PPP2R2B: variants seen among roughly 807,000 people sequenced by gnomAD.
The protein encoded by PPP2R2B is protein phosphatase 2 regulatory subunit Bbeta.
Under a neutral mutation model 46.0 loss-of-function variants are expected in PPP2R2B, and 5 were observed. The ratio of observed to expected loss-of-function variants is 0.11; its 90% CI spans 0.06 to 0.23. The LOEUF is 0.23. Among genes scored for constraint, PPP2R2B ranks in the 10% least tolerant of loss-of-function variants. The pLI is 1.00. For missense variants in PPP2R2B, 367 were observed against 575.0 expected (o/e 0.64, Z 3.70); for synonymous variants, 215 against 206.7 (o/e 1.04, Z -0.34).
chr5:147,050,593 C>T (rs1328978492), intron 1 of PPP2R2B, among the ~76,000 whole-genome samples: 1 of 152,068 alleles, frequency 6.6e-6, no homozygotes, highest in Non-Finnish European at 1.5e-5. Flanking sequence ...ACTTAGACTA[C>T]TTAACTTGTC....
intron 1 of PPP2R2B, among the ~76,000 whole-genome samples, chr5:147,052,662 C>T (rs1032383430): frequency 3.3e-5 from 5 of 152,146 alleles, no homozygotes; most frequent in Admixed American, 3.3e-4. Flanking sequence ...GCCTGTGTGT[C>T]TGGGGACCAG....
At chr5:146,620,512 G>C (rs1291005185) in intron 7 of PPP2R2B, among the ~76,000 whole-genome samples, 1 of 152,162 alleles carries the variant, frequency 6.6e-6, no homozygotes, top group Non-Finnish European at 1.5e-5. Flanking sequence ...AAGAAATCTG[G>C]TAACAGCGAG....
intron 1 of PPP2R2B, among the ~76,000 whole-genome samples, chr5:147,054,992 G>A (rs754193321): frequency 1.3e-5 from 2 of 152,160 alleles, no homozygotes; most frequent in Non-Finnish European, 2.9e-5. Flanking sequence ...ACACATACAC[G>A]TATGCATAGC....
At chr5:147,039,206 C>T (rs1756182738) in intron 1 of PPP2R2B, among the ~76,000 whole-genome samples, 2 of 152,136 alleles carry the variant, frequency 1.3e-5, no homozygotes, top group Admixed American at 6.6e-5. Flanking sequence ...TTCCTGGTAG[C>T]CCATCACCCC....
chr5:146,913,741 G>A (rs1763276142), intron 1 of PPP2R2B, among the ~76,000 whole-genome samples: 1 of 152,052 alleles, frequency 6.6e-6, no homozygotes, highest in African/African-American at 2.4e-5. Context: ...TACATTGATT[G>A]CTGCCCAATC....
At chr5:147,033,709 A>C (rs1755902621) in intron 1 of PPP2R2B, among the ~76,000 whole-genome samples, 2 of 152,120 alleles carry the variant, frequency 1.3e-5, no homozygotes, top group South Asian at 4.1e-4. Context: ...TATTTCCCTC[A>C]TTGACACCAT....
chr5:146,648,413 T>C (rs1282123070), intron 6 of PPP2R2B, among the ~76,000 whole-genome samples: 2 of 152,198 alleles, frequency 1.3e-5, no homozygotes. Flanking sequence ...TTCAGAGCTT[T>C]ACTATAACTC....
chr5:147,062,811 G>A (rs1396370369), intron 2 of PPP2R2B, among the ~76,000 whole-genome samples: 5 of 151,930 alleles, frequency 3.3e-5, no homozygotes, highest in African/African-American at 4.8e-5. Flanking sequence ...AATGACTACC[G>A]TAATCATGTA....
At chr5:146,838,106 AAAG>A (rs1759404198) in intron 2 of PPP2R2B, among the ~76,000 whole-genome samples, 1 of 152,218 alleles carries the variant, frequency 6.6e-6, no homozygotes, top group South Asian at 2.1e-4. Flanking sequence ...TGAATAAATG[AAAG>A]AAGAATTTAA....
intron 1 of PPP2R2B, among the ~76,000 whole-genome samples, chr5:146,974,608 C>T (rs1752811960): frequency 6.6e-6 from 1 of 152,030 alleles, no homozygotes; most frequent in South Asian, 2.1e-4. Flanking sequence ...TAATCCTAGG[C>T]ACAAACTATA....
chr5:146,601,177 T>C lies in PPP2R2B; in HGVS notation c.791-717A>G, dbSNP rs376653746. On this transcript the variant is annotated intron_variant, in intron 7 of 9. Transcript: ENST00000394411. ...GTATGAATATACCACATTTTGTTTA[T>C]CCATTTTATGAGCATTTGAGTTGTT... 3.6e-4 allele frequency among the ~76,000 whole-genome samples: 55 copies of C among 152,372 alleles called. 1 individual carries two copies. In the South Asian group the frequency reaches 0.011, roughly 29 times the overall value.
At chr5:146,959,926 AT>A (rs1752094263) in intron 1 of PPP2R2B, among the ~76,000 whole-genome samples, 1 of 152,190 alleles carries the variant, frequency 6.6e-6, no homozygotes, top group African/African-American at 2.4e-5. Context: ...GAGACAGATC[AT>A]ATTTCCCAAG....
intron 1 of PPP2R2B, among the ~76,000 whole-genome samples, chr5:146,922,080 A>G (rs1763626940): frequency 6.6e-6 from 1 of 152,168 alleles, no homozygotes; most frequent in Non-Finnish European, 1.5e-5. Flanking sequence ...GCTAAACTGT[A>G]TGCTAAACTG....
At chr5:146,660,206 A>G (rs1368560739) in intron 5 of PPP2R2B, among the ~76,000 whole-genome samples, 1 of 152,226 alleles carries the variant, frequency 6.6e-6, no homozygotes, top group Non-Finnish European at 1.5e-5. Flanking sequence ...AGTGTAACAA[A>G]CCAAATAGAG....
intron 1 of PPP2R2B, among the ~76,000 whole-genome samples, chr5:147,009,998 A>G (rs1235065919): frequency 3.3e-5 from 5 of 152,218 alleles, no homozygotes; most frequent in East Asian, 1.9e-4. Context: ...ATGAGAATGC[A>G]CTTTGTAAAG....
At chr5:146,812,844 T>TATGTATATATA (rs1271380416) in intron 2 of PPP2R2B, among the ~76,000 whole-genome samples, 1 of 107,914 alleles carries the variant, frequency 9.3e-6, no homozygotes, top group Non-Finnish European at 1.8e-5. Flanking sequence ...CACATTTCCA[T>TATGTATATATA]TATAAAACCA....
At chr5:146,738,412 A>G (rs1160462981) in intron 2 of PPP2R2B, among the ~76,000 whole-genome samples, 2 of 151,886 alleles carry the variant, frequency 1.3e-5, no homozygotes, top group Non-Finnish European at 2.9e-5. Context: ...AAAAAAAAAA[A>G]AAAAATCTTA....
intron 2 of PPP2R2B, among the ~76,000 whole-genome samples, chr5:146,814,497 C>T (rs967594013): frequency 6.6e-6 from 1 of 152,218 alleles, no homozygotes; most frequent in Non-Finnish European, 1.5e-5. Flanking sequence ...CAGGGAAAGG[C>T]ACCCAATAGA....
rs941151564 is a variant in PPP2R2B, at chr5:146,630,933, G to A, written c.790+7318C>T. Among the ~76,000 whole-genome samples, 6 of 152,186 alleles carry A rather than the reference G, an allele frequency of 3.9e-5. No individual in the cohort carries two copies. In the South Asian group the frequency reaches 1.2e-3, roughly 32 times the overall value. ...TGAGTAAGTTGAAGCACAGAGGTTA[G>A]GTAACCTGCTCAAGATCACCAATTA... On this transcript the variant is annotated intron_variant, in intron 7 of 9. Transcript: ENST00000394411.
Sources: allele counts gnomAD v4.1 joint callset (sites outside exome capture counted in the v4.1 genomes callset), GRCh38; gene constraint gnomAD v4.1.1; transcripts MANE v1.5; gene names NCBI Gene and HGNC (gene_info 2026-07-23, HGNC 2026-07-21).